CSNK2A2IP: variants seen among roughly 807,000 people sequenced by gnomAD.
The protein encoded by CSNK2A2IP is casein kinase II subunit alpha'-interacting protein.
the CSNK2A2IP span, among the ~76,000 whole-genome samples, chr3:88,363,575 A>C: frequency 6.6e-6 from 1 of 151,760 alleles, no homozygotes; most frequent in African/African-American, 2.4e-5. Context: ...GTAATCGTTG[A>C]TTTGCATGTT....
chr3:88,348,487 T>C, the CSNK2A2IP span, among the ~76,000 whole-genome samples: 1 of 151,960 alleles, frequency 6.6e-6, no homozygotes, highest in African/African-American at 2.4e-5. Flanking sequence ...CTATAGAAAA[T>C]ATATATATTT....
At chr3:88,339,986 A>G in the CSNK2A2IP span, among the ~76,000 whole-genome samples, 2 of 152,000 alleles carry the variant, frequency 1.3e-5, no homozygotes, top group Non-Finnish European at 2.9e-5. Flanking sequence ...ATGTTTTTAG[A>G]TATGCATTGG....
the CSNK2A2IP span, among the ~76,000 whole-genome samples, chr3:88,396,859 C>G: frequency 2.0e-5 from 3 of 152,014 alleles, no homozygotes; most frequent in Admixed American, 1.3e-4. Flanking sequence ...AGCAATAGTC[C>G]AAAGTGGTGG....
At chr3:88,446,054 C>T in the CSNK2A2IP span, among the ~76,000 whole-genome samples, 20 of 93,974 alleles carry the variant, frequency 2.1e-4, no homozygotes, top group African/African-American at 6.9e-4. Context: ...TTCTTTCTTT[C>T]TTTCTTTCTT....
chr3:88,437,740 AG>A, the CSNK2A2IP span, among the ~76,000 whole-genome samples: 3 of 152,192 alleles, frequency 2.0e-5, no homozygotes, highest in Non-Finnish European at 4.4e-5. Flanking sequence ...TGTTAAAAAC[AG>A]GTGTTTTATT....
At chr3:88,450,911 T>A in the CSNK2A2IP span, among the ~76,000 whole-genome samples, 1 of 152,158 alleles carries the variant, frequency 6.6e-6, no homozygotes, top group Non-Finnish European at 1.5e-5. Context: ...ATTTTTAATT[T>A]CTTTAGAAAT....
chr3:88,342,220 G>A, the CSNK2A2IP span, among the ~76,000 whole-genome samples: 1 of 151,948 alleles, frequency 6.6e-6, no homozygotes, highest in African/African-American at 2.4e-5. Flanking sequence ...TATATATTCT[G>A]TTACATCAAA....
the CSNK2A2IP span, among the ~76,000 whole-genome samples, chr3:88,379,572 C>T: frequency 1.3e-5 from 2 of 152,044 alleles, no homozygotes; most frequent in African/African-American, 4.8e-5. Flanking sequence ...TTATTTGAGT[C>T]TTCTTCAACT....
At chr3:88,418,968 C>G in the CSNK2A2IP span, among the ~76,000 whole-genome samples, 1 of 152,168 alleles carries the variant, frequency 6.6e-6, no homozygotes, top group Non-Finnish European at 1.5e-5. Context: ...ATTCTACTAG[C>G]AGTGCCCTAT....
the CSNK2A2IP span, among the ~76,000 whole-genome samples, chr3:88,355,993 G>C: frequency 6.6e-6 from 1 of 151,932 alleles, no homozygotes; most frequent in Non-Finnish European, 1.5e-5. Flanking sequence ...TACGTATGGG[G>C]TACGTGTGAT....
At chr3:88,391,467 A>G in the CSNK2A2IP span, among the ~76,000 whole-genome samples, 4 of 152,216 alleles carry the variant, frequency 2.6e-5, no homozygotes, top group Non-Finnish European at 4.4e-5. Context: ...TTTCAAAAGG[A>G]AATGCAAACC....
chr3:88,410,214 G>A, the CSNK2A2IP span, among the ~76,000 whole-genome samples: 3 of 152,024 alleles, frequency 2.0e-5, no homozygotes, highest in African/African-American at 7.3e-5. Flanking sequence ...TACATGGGGC[G>A]ATAACTTTAA....
At chr3:88,372,879 C>A in the CSNK2A2IP span, among the ~76,000 whole-genome samples, 2 of 151,258 alleles carry the variant, frequency 1.3e-5, no homozygotes, top group Admixed American at 1.3e-4. Context: ...AGGATTATTA[C>A]TAGAGACAGA....
At chr3:88,395,063 G>C in the CSNK2A2IP span, among the ~76,000 whole-genome samples, 2 of 152,134 alleles carry the variant, frequency 1.3e-5, no homozygotes, top group Admixed American at 1.3e-4. Context: ...TTCTGTTTAC[G>C]CATATGTGCT....
the CSNK2A2IP span, among the ~76,000 whole-genome samples, chr3:88,461,969 A>G: frequency 6.6e-6 from 1 of 151,710 alleles, no homozygotes; most frequent in Middle Eastern, 3.2e-3. Flanking sequence ...CATTGATTTT[A>G]ATGAAGCCGA....
chr3:88,449,840 C>CATAT, the CSNK2A2IP span, among the ~76,000 whole-genome samples: 1 of 85,492 alleles, frequency 1.2e-5, no homozygotes, highest in African/African-American at 3.7e-5. Context: ...CACACACACA[C>CATAT]ACACACACAC....
At chr3:88,454,474 C>A in the CSNK2A2IP span, among the ~76,000 whole-genome samples, 1 of 151,778 alleles carries the variant, frequency 6.6e-6, no homozygotes, top group African/African-American at 2.4e-5. Flanking sequence ...TTTGGTTTCA[C>A]ATCTAAAAAT....
chr3:88,430,431 A>T, the CSNK2A2IP span, among the ~76,000 whole-genome samples: 6 of 152,234 alleles, frequency 3.9e-5, no homozygotes, highest in Admixed American at 2.6e-4. Flanking sequence ...TATACTATAC[A>T]TATAACAAGA....
chr3:88,461,766 T>C, the CSNK2A2IP span, among the ~76,000 whole-genome samples: 1 of 152,074 alleles, frequency 6.6e-6, no homozygotes, highest in Non-Finnish European at 1.5e-5. Context: ...ATGCACTTTA[T>C]TGATTTTTTA....
Sources: gnomAD v4.1 joint callset for allele counts (sites outside exome capture counted in the v4.1 genomes callset) on GRCh38, gnomAD v4.1.1 for gene constraint, MANE v1.5 for transcripts, NCBI Gene and HGNC (gene_info 2026-07-23, HGNC 2026-07-21) for gene names.